DYSF: variants seen among roughly 807,000 people sequenced by gnomAD.
DYSF encodes the protein dysferlin, also known as dystrophy-associated fer-1-like 1.
A neutral mutation model predicts 274.9 loss-of-function variants in DYSF; 212 were observed. That is an observed-to-expected ratio of 0.77 (90% CI 0.69 to 0.86). The LOEUF (loss-of-function observed/expected upper bound fraction) is 0.86. Among genes scored for constraint, DYSF ranks in the 40% least tolerant of loss-of-function variants. DYSF has a pLI of 0.00. For missense variants in DYSF, 2,666 were observed against 2,783.2 expected (o/e 0.96, Z 0.95); for synonymous variants, 1,091 against 1,078.7 (o/e 1.01, Z -0.22).
At chr2:71,467,389 T>A (rs574815078) in intron 1 of DYSF, among the ~76,000 whole-genome samples, 3 of 152,320 alleles carry the variant, frequency 2.0e-5, no homozygotes, top group Non-Finnish European at 2.9e-5. Flanking sequence ...ATTGGCTGTA[T>A]TGAATCTGCC....
chr2:71,519,446 AAGTGGAATGTAC>A (rs1232975029), intron 10 of DYSF, among the ~76,000 whole-genome samples: 4 of 152,184 alleles, frequency 2.6e-5, no homozygotes, highest in African/African-American at 4.8e-5. Context: ...AGCAAAAATT[AAGTGGAATGTAC>A]ACAGTTCCCA....
chr2:71,638,672 T>A (rs1254937569), intron 41 of DYSF, among the ~76,000 whole-genome samples: 1 of 152,236 alleles, frequency 6.6e-6, no homozygotes, highest in East Asian at 1.9e-4. Flanking sequence ...TCATTCCCTT[T>A]TTATTACCAA....
At chr2:71,605,062 G>A (rs141037069) in intron 36 of DYSF, among the ~76,000 whole-genome samples, 82 of 152,282 alleles carry the variant, frequency 5.4e-4, no homozygotes, top group African/African-American at 1.8e-3. Flanking sequence ...GATGATGTCC[G>A]GGAGATCTGG....
chr2:71,575,386 G>A (rs902628506), intron 30 of DYSF, among the ~76,000 whole-genome samples: 1 of 152,178 alleles, frequency 6.6e-6, no homozygotes, highest in South Asian at 2.1e-4. Context: ...CCTGCCATAG[G>A]CTTCGGAGAG....
chr2:71,486,873 T>C (rs1010451233), intron 3 of DYSF, among the ~76,000 whole-genome samples: 1 of 152,220 alleles, frequency 6.6e-6, no homozygotes, highest in African/African-American at 2.4e-5. Flanking sequence ...TACTCGAGGC[T>C]TCTCAGAGAG....
chr2:71,547,723 C>T (rs2152780909), intron 17 of DYSF, among the ~76,000 whole-genome samples: 1 of 152,256 alleles, frequency 6.6e-6, no homozygotes, highest in East Asian at 1.9e-4. Flanking sequence ...TCGCAGCCAC[C>T]CACTTGATCC....
chr2:71,661,023 G>A (rs1199424283), intron 45 of DYSF, among the ~76,000 whole-genome samples: 2 of 151,066 alleles, frequency 1.3e-5, no homozygotes, highest in Non-Finnish European at 2.9e-5. Context: ...AGGCTGAGGT[G>A]GGAGGATCCC....
At chr2:71,518,255 ATTTTT>A (rs71402988) in intron 10 of DYSF, among the ~76,000 whole-genome samples, 4 of 138,842 alleles carry the variant, frequency 2.9e-5, no homozygotes, top group Non-Finnish European at 3.1e-5. Context: ...GACCTGTATG[ATTTTT>A]TTTTTTTTTT....
chr2:71,553,942 A>C lies in DYSF; in HGVS notation c.2109+11A>C, dbSNP rs1200723444. ...ATTGCTGACCGGCTGGTGAGTGAAA[A>C]CTTGCCCAAAGCTGCACATGCCTAT... On this transcript the variant is annotated intron_variant, in intron 21 of 55. Coordinates refer to ENST00000410020, the MANE Select transcript of DYSF (RefSeq NM_001130987.2). 6.2e-7 allele frequency: 1 copy of C among 1,613,882 alleles called. No homozygotes were observed. The highest frequency in any genetic ancestry group is 1.3e-5 in the African/African-American group (1 of 74,884).
intron 1 of DYSF, among the ~76,000 whole-genome samples, chr2:71,475,723 T>G (rs1051875965): frequency 2.3e-4 from 35 of 152,112 alleles, no homozygotes; most frequent in African/African-American, 8.2e-4. Context: ...AAGGTAGATA[T>G]TATGATGATG....
chr2:71,499,951 C>T (rs1332225046), intron 3 of DYSF, among the ~76,000 whole-genome samples: 3 of 152,174 alleles, frequency 2.0e-5, no homozygotes, highest in Non-Finnish European at 4.4e-5. Context: ...TGGCCCCCTC[C>T]TTGCCTCATC....
At chr2:71,455,901 A>G (rs531012845) in intron 1 of DYSF, among the ~76,000 whole-genome samples, 1 of 152,170 alleles carries the variant, frequency 6.6e-6, no homozygotes, top group South Asian at 2.1e-4. Flanking sequence ...CTAGGCTTCT[A>G]CCTCATGGTC....
At chr2:71,665,077 T>A (rs932552980) in intron 46 of DYSF, 85 bp from the exon 47 acceptor site, 3 of 1,595,160 alleles carry the variant, frequency 1.9e-6, no homozygotes, top group Non-Finnish European at 2.6e-6. Context: ...ATGCTGTACA[T>A]GGGGGTACAC....
chr2:71,663,051 G>A (rs985287017), intron 45 of DYSF, among the ~76,000 whole-genome samples: 8 of 32,694 alleles, frequency 2.4e-4, no homozygotes, highest in Admixed American at 7.8e-4. Context: ...GCGCGCACGC[G>A]CGTGGTGTAG....
rs553223394 is a variant in DYSF at position 71,527,933 on chromosome 2, A to G, written c.1277-365A>G. ...CTAATAGATTTAAAGGAAAATGTCA[A>G]CCAGGCACCAATAATGGGATATTGT... On this transcript the variant is annotated intron_variant, in intron 13 of 55. Transcript: ENST00000410020. 1.1e-4 allele frequency among the ~76,000 whole-genome samples: 16 copies of G among 152,348 alleles called. 1 individual carries two copies. In the South Asian group the frequency reaches 3.3e-3, roughly 32 times the overall value.
At position 71,665,156 on chromosome 2, in the gene DYSF, C is replaced by T. The variant is rs1258841250; in HGVS notation, c.5175-6C>T. On this transcript the variant is annotated splice_polypyrimidine_tract_variant and splice_region_variant and intron_variant, in intron 46 of 55. Coordinates refer to ENST00000410020, the MANE Select transcript of DYSF (RefSeq NM_001130987.2). ...ATCTCATCTATGTCTTGTGCTTGCT[C>T]CTCAGCTCTGGACCGAACCAGTGGC... 9 of 1,613,574 alleles carry T rather than the reference C, an allele frequency of 5.6e-6. No homozygotes were observed. Among genetic ancestry groups the T allele is most frequent in the African/African-American group, 2.7e-5 (2 of 74,900 alleles).
At chr2:71,461,225 T>A (rs1381177421) in intron 1 of DYSF, among the ~76,000 whole-genome samples, 1 of 152,198 alleles carries the variant, frequency 6.6e-6, no homozygotes, top group Non-Finnish European at 1.5e-5. Context: ...TAGTTATTCC[T>A]GACCATTGTG....
Position 71,527,804 on chromosome 2 carries a change from C to A in DYSF, c.1277-494C>A. On this transcript the variant is annotated intron_variant, in intron 13 of 55. Coordinates refer to ENST00000410020, the MANE Select transcript of DYSF (RefSeq NM_001130987.2). ...ATCTGTATCTACATATATAAATAAT[C>A]TGGCTGATTCAAAAAATAATGGTTT... Among the ~76,000 whole-genome samples, 2 of 151,920 alleles carry A rather than the reference C, an allele frequency of 1.3e-5. 1 individual carries two copies. Among genetic ancestry groups the A allele is most frequent in the African/African-American group, 4.8e-5 (2 of 41,334 alleles).
chr2:71,540,156 G>C (rs529815326), intron 17 of DYSF, among the ~76,000 whole-genome samples: 1 of 149,770 alleles, frequency 6.7e-6, no homozygotes, highest in African/African-American at 2.5e-5. Flanking sequence ...CTGTTGCCAG[G>C]CTGCAGTGTA....
Sources: gnomAD v4.1 joint callset for allele counts (sites outside exome capture counted in the v4.1 genomes callset) on GRCh38, gnomAD v4.1.1 for gene constraint, MANE v1.5 for transcripts, NCBI Gene and HGNC (gene_info 2026-07-23, HGNC 2026-07-21) for gene names.